Variants in GRIK2 observed in about 807,000 individuals in gnomAD.
The protein encoded by GRIK2 is glutamate receptor ionotropic, kainate 2.
In GRIK2, 32 loss-of-function variants were observed where a neutral mutation model predicts 100.3. That is an observed-to-expected ratio of 0.32 (90% confidence interval 0.24 to 0.43). The LOEUF (loss-of-function observed/expected upper bound fraction) is 0.43, where lower values mean the gene tolerates loss of function less well. Ranked by LOEUF, GRIK2 falls within the 20% of genes least tolerant of loss-of-function variation. GRIK2 has a pLI of 1.00. For missense variants in GRIK2, 843 were observed against 1,114.9 expected, an observed-to-expected ratio of 0.76 and a Z score of 3.47; for synonymous variants, 417 against 389.4, an observed-to-expected ratio of 1.07 and a Z score of -0.83.
chr6:101,608,438 G>A (rs1033226941), intron 2 of GRIK2, among the ~76,000 whole-genome samples: 5 of 151,854 alleles, frequency 3.3e-5, no homozygotes, highest in Non-Finnish European at 7.4e-5. Flanking sequence ...TTGAACATGT[G>A]TTATTTCTAG....
intron 16 of GRIK2, among the ~76,000 whole-genome samples, chr6:102,057,779 T>A (rs1361460678): frequency 6.6e-6 from 1 of 151,812 alleles, no homozygotes; most frequent in African/African-American, 2.4e-5. Context: ...CCACACTACA[T>A]TTTAACTCTC....
intron 2 of GRIK2, among the ~76,000 whole-genome samples, chr6:101,591,518 A>C (rs1029659947): frequency 1.3e-5 from 2 of 151,746 alleles, no homozygotes; most frequent in African/African-American, 4.8e-5. Flanking sequence ...TGGGGAAGTT[A>C]TTTTTTCTCT....
At chr6:101,490,947 A>G (rs886319696) in intron 2 of GRIK2, among the ~76,000 whole-genome samples, 2 of 146,702 alleles carry the variant, frequency 1.4e-5, no homozygotes, top group Non-Finnish European at 3.0e-5. Flanking sequence ...ACATACACAC[A>G]CACCTTTTCC....
chr6:101,926,885 C>T (rs1382730860), intron 13 of GRIK2, among the ~76,000 whole-genome samples: 2 of 152,130 alleles, frequency 1.3e-5, no homozygotes, highest in African/African-American at 4.8e-5. Context: ...AATGTCTCCA[C>T]TATTCTTTTC....
chr6:101,592,624 T>TATATATATATATATATATATATATATA (rs71028078), intron 2 of GRIK2, among the ~76,000 whole-genome samples: 9 of 133,526 alleles, frequency 6.7e-5, no homozygotes, highest in African/African-American at 1.4e-4. Flanking sequence ...TATATATATA[T>TATATATATATATATATATATATATATA]TGCTTTTTCA....
chr6:101,727,315 A>G (rs1224327821), intron 7 of GRIK2, among the ~76,000 whole-genome samples: 1 of 152,134 alleles, frequency 6.6e-6, no homozygotes, highest in Non-Finnish European at 1.5e-5. Context: ...AATAGATGCT[A>G]TAATTCATAT....
intron 2 of GRIK2, among the ~76,000 whole-genome samples, chr6:101,618,151 T>G (rs913858612): frequency 6.6e-6 from 1 of 151,662 alleles, no homozygotes; most frequent in Non-Finnish European, 1.5e-5. Flanking sequence ...TGAACTTTAT[T>G]TTTTAATGTC....
intron 2 of GRIK2, among the ~76,000 whole-genome samples, chr6:101,518,900 A>T (rs1407747297): frequency 6.6e-6 from 1 of 152,174 alleles, no homozygotes; most frequent in Non-Finnish European, 1.5e-5. Flanking sequence ...CTTGCTTTTT[A>T]AGACTAAATG....
intron 7 of GRIK2, chr6:101,744,472 T>C (rs1776252892): frequency 6.8e-6 from 1 of 146,588 alleles, no homozygotes; most frequent in African/African-American, 2.5e-5. Flanking sequence ...TTCTTTATTA[T>C]GGCTGAGTAG....
At chr6:101,970,594 G>T (rs56053086) in intron 14 of GRIK2, among the ~76,000 whole-genome samples, 9,384 of 151,966 alleles carry the variant, frequency 0.062, 445 homozygotes, top group Admixed American at 0.12. Context: ...GTTCTTTAAA[G>T]AAGCAGTAAC....
At chr6:102,014,603 T>C (rs1795733113) in intron 14 of GRIK2, among the ~76,000 whole-genome samples, 2 of 151,130 alleles carry the variant, frequency 1.3e-5, no homozygotes, top group South Asian at 4.2e-4. Flanking sequence ...GTCCCAGAAA[T>C]TCTGTGTCCC....
intron 14 of GRIK2, among the ~76,000 whole-genome samples, chr6:102,024,635 G>T (rs1405068753): frequency 6.6e-6 from 1 of 151,170 alleles, no homozygotes; most frequent in Non-Finnish European, 1.5e-5. Context: ...AAGAAACAAG[G>T]ATACATTTCC....
intron 9 of GRIK2, among the ~76,000 whole-genome samples, chr6:101,816,104 GTA>G (rs1417357981): frequency 6.6e-6 from 1 of 152,058 alleles, no homozygotes; most frequent in Non-Finnish European, 1.5e-5. Flanking sequence ...GAAATTCTTT[GTA>G]TTAGTTACTT....
At chr6:101,879,266 C>T (rs146531716) in intron 11 of GRIK2, among the ~76,000 whole-genome samples, 1 of 152,142 alleles carries the variant, frequency 6.6e-6, no homozygotes, top group African/African-American at 2.4e-5. Context: ...AGCCCTAATG[C>T]TTAACCTATT....
chr6:101,689,269 T>G (rs557478069), intron 7 of GRIK2, among the ~76,000 whole-genome samples: 1 of 152,068 alleles, frequency 6.6e-6, no homozygotes, highest in Non-Finnish European at 1.5e-5. Flanking sequence ...CTTTTTCTTT[T>G]TATCCCCTAT....
At chr6:101,621,820 C>T (rs1780177633) in intron 2 of GRIK2, 129 bp from the exon 3 acceptor site, 2 of 669,654 alleles carry the variant, frequency 3.0e-6, no homozygotes, top group African/African-American at 3.6e-5. Flanking sequence ...CTTTCTCTCT[C>T]TCACACACAC....
At chr6:101,963,223 A>T (rs1281757892) in intron 14 of GRIK2, among the ~76,000 whole-genome samples, 1 of 143,354 alleles carries the variant, frequency 7.0e-6, no homozygotes, top group Non-Finnish European at 1.5e-5. Flanking sequence ...TGGTTGATTT[A>T]GGACTTATAT....
chr6:102,035,271 A>T, intron 14 of GRIK2, 70 bp from the exon 15 acceptor site: 1 of 747,346 alleles, frequency 1.3e-6, no homozygotes, highest in South Asian at 1.7e-5. Flanking sequence ...CATTGTGTCT[A>T]AGCATTATAG....
intron 5 of GRIK2, among the ~76,000 whole-genome samples, chr6:101,678,521 G>C (rs1019827585): frequency 6.6e-6 from 1 of 152,128 alleles, no homozygotes; most frequent in Non-Finnish European, 1.5e-5. Context: ...TATACCAGAA[G>C]ACCACAAATA....
Sources: allele counts gnomAD v4.1 joint callset (sites outside exome capture counted in the v4.1 genomes callset), GRCh38; gene constraint gnomAD v4.1.1; transcripts MANE v1.5; gene names NCBI Gene and HGNC (gene_info 2026-07-23, HGNC 2026-07-21).